The following CXXC5 variants were observed in gnomAD, a reference collection of about 807,000 sequenced individuals.
CXXC5 encodes CXXC finger protein 5.
CXXC5 carries 2 observed loss-of-function variants against 17.6 expected under a neutral mutation model. That is an observed-to-expected ratio of 0.11 (90% confidence interval 0.05 to 0.36). CXXC5 has a LOEUF of 0.36. Among genes scored for constraint, CXXC5 ranks in the 10% least tolerant of loss-of-function variants. CXXC5 has a pLI of 1.00. For missense variants in CXXC5, 343 were observed against 458.3 expected, an observed-to-expected ratio of 0.75 and a Z score of 2.30; for synonymous variants, 171 against 193.0, an observed-to-expected ratio of 0.89 and a Z score of 0.94.
At chr5:139,678,842 G>A (rs958018968) in intron 1 of CXXC5, among the ~76,000 whole-genome samples, 1 of 152,232 alleles carries the variant, frequency 6.6e-6, no homozygotes, top group African/African-American at 2.4e-5. Context: ...CTGCTCTGGG[G>A]CTGGGCCCTG....
At position 139,680,364 on chromosome 5, in the gene CXXC5, A is replaced by T; in HGVS notation, c.-160A>T. 9.7e-7 allele frequency: 1 copy of T among 1,029,932 alleles called. No individual in the cohort carries two copies. The highest frequency in any genetic ancestry group is 1.4e-6 in the Non-Finnish European group (1 of 729,946). The allele number at this position is 1,029,932 out of a possible 1,614,324, so 63.8% of individuals were successfully genotyped here. A position where few individuals can be genotyped will look rare whatever the true frequency, so the allele number is the denominator to read the frequency against. On this transcript the variant is annotated splice_region_variant and 5_prime_UTR_variant, in exon 2 of 3. Transcript: ENST00000302517. ...CTGACCCTGTATCCTCTTGTGACAG[A>T]GTGAAGACATTTCCACCTGGACACC...
chr5:139,681,754 A>T (rs1035649344), intron 2 of CXXC5, among the ~76,000 whole-genome samples: 1 of 152,198 alleles, frequency 6.6e-6, no homozygotes, highest in African/African-American at 2.4e-5. Flanking sequence ...TCAGGTATTG[A>T]GATTTCCATA....
chr5:139,674,925 T>G (rs650446), intron 1 of CXXC5, among the ~76,000 whole-genome samples: 1 of 151,842 alleles, frequency 6.6e-6, no homozygotes, highest in Non-Finnish European at 1.5e-5. Context: ...CCTCACATCT[T>G]CTTCCCCACC....
intron 1 of CXXC5, among the ~76,000 whole-genome samples, chr5:139,664,449 G>C (rs1755986082): frequency 6.6e-6 from 1 of 152,108 alleles, no homozygotes; most frequent in Admixed American, 6.5e-5. Context: ...TAGCCACAAT[G>C]ACCCCCCATC....
At chr5:139,680,221 C>T (rs1757100299) in intron 1 of CXXC5, 143 bp from the exon 2 acceptor site, 1 of 448,232 alleles carries the variant, frequency 2.2e-6, no homozygotes, top group Non-Finnish European at 4.0e-6. Flanking sequence ...AGAAATTTCT[C>T]ACCAGGATGG....
chr5:139,648,713 G>C lies in CXXC5; in HGVS notation c.-293G>C, dbSNP rs940944722. ...CGGCGCGACTCGGGCTCCGGACCCG[G>C]GCACTGCTGGCGGCTGGAGCGGAGC... On this transcript the variant is annotated 5_prime_UTR_variant, in exon 1 of 3. Coordinates refer to ENST00000302517, the MANE Select transcript of CXXC5 (RefSeq NM_016463.9). The C allele has an allele frequency of 1.3e-5, 2 of 151,898 alleles. No individual in the cohort carries two copies. Among genetic ancestry groups the C allele is most frequent in the African/African-American group, 2.4e-5 (1 of 41,402 alleles). 9.4% of individuals were successfully genotyped at this position (151,898 alleles called of 1,614,324 possible).
At chr5:139,667,696 T>C (rs569515929) in intron 1 of CXXC5, among the ~76,000 whole-genome samples, 1 of 152,040 alleles carries the variant, frequency 6.6e-6, no homozygotes, top group East Asian at 1.9e-4. Flanking sequence ...GCTTGGGGGT[T>C]TGGGGGTTAA....
chr5:139,679,006 C>G (rs1757028326), intron 1 of CXXC5, among the ~76,000 whole-genome samples: 1 of 152,230 alleles, frequency 6.6e-6, no homozygotes, highest in South Asian at 2.1e-4. Context: ...AGCCTTGAAA[C>G]CTGAGTAGAG....
intron 1 of CXXC5, among the ~76,000 whole-genome samples, chr5:139,650,572 T>G (rs889997849): frequency 6.6e-6 from 1 of 152,102 alleles, no homozygotes; most frequent in Non-Finnish European, 1.5e-5. Flanking sequence ...TGCGGACTTG[T>G]TTGGAGCGCG....
At chr5:139,671,975 C>G (rs1463800083) in intron 1 of CXXC5, among the ~76,000 whole-genome samples, 1 of 152,192 alleles carries the variant, frequency 6.6e-6, no homozygotes. Flanking sequence ...CCTCAGTTGC[C>G]TCATCTGTAA....
chr5:139,681,436 G>A lies in CXXC5; in HGVS notation c.913G>A (p.Ala305Thr), dbSNP rs768384456. The change falls in exon 2 of 3, where the codon GCT (alanine) becomes ACT (threonine). Residue 305 changes from alanine (A) to threonine (T), a missense_variant. Coordinates refer to ENST00000302517, the MANE Select transcript of CXXC5 (RefSeq NM_016463.9). ...TGAGGAACTCAAAAAGAAGCCTTCC[G>A]CTGCTCTGGAGGTAACGGCGCCTTA... ...KCEELKKKPS[A>T]ALEKVMLPTG... 1.3e-5 allele frequency: 21 copies of A among 1,576,726 alleles called. No homozygotes were observed. The highest frequency in any genetic ancestry group is 1.4e-5 in the African/African-American group (1 of 73,954).
In CXXC5 at chr5:139,663,714, G is replaced by A. The variant is rs1333292226; in HGVS notation, c.-161+14869G>A. Reference sequence around the variant, plus strand: ...CCAACACGCCTGGCCTGACTTGTCCGTGACGTTCACACTTATGCTGGCAGA... The same window carrying A: ...CCAACACGCCTGGCCTGACTTGTCCATGACGTTCACACTTATGCTGGCAGA... On this transcript the variant is annotated intron_variant, in intron 1 of 2. Transcript: ENST00000302517. This position sits in a 1 kb window ranked among gnomAD's most constrained non-coding sequence, Gnocchi z 4.2. Among the ~76,000 whole-genome samples the A allele has an allele frequency of 5.3e-5, 8 of 152,196 alleles. No homozygotes were observed. The highest frequency in any genetic ancestry group is 2.1e-4 in the South Asian group (1 of 4,834).
At chr5:139,659,217 G>T (rs567374974) in intron 1 of CXXC5, among the ~76,000 whole-genome samples, 22 of 152,302 alleles carry the variant, frequency 1.4e-4, no homozygotes, top group Middle Eastern at 3.4e-3. Context: ...GCTGCAGACG[G>T]GTAGGGGTGT....
At chr5:139,660,493 G>A (rs1755735920) in intron 1 of CXXC5, among the ~76,000 whole-genome samples, 1 of 152,182 alleles carries the variant, frequency 6.6e-6, no homozygotes, top group African/African-American at 2.4e-5. Context: ...CTGGGGAGGG[G>A]ACCTCAGCCC....
At chr5:139,652,959 TTCTC>T (rs1257980212) in intron 1 of CXXC5, among the ~76,000 whole-genome samples, 1 of 152,154 alleles carries the variant, frequency 6.6e-6, no homozygotes, top group Non-Finnish European at 1.5e-5. Flanking sequence ...GGACAGTGGT[TTCTC>T]TCTGTCTGTG....
chr5:139,682,794 G>A lies in CXXC5; in HGVS notation c.925-69G>A, dbSNP rs13362306. ...GCCATGAGGCCATCCATGGGGGAACGTCTTTGCTCCAGGCCTACCCGGACC... is the reference window on the plus strand; with the variant it reads ...GCCATGAGGCCATCCATGGGGGAACATCTTTGCTCCAGGCCTACCCGGACC... On this transcript the variant is annotated intron_variant, in intron 2 of 2. Transcript: ENST00000302517. 2,763 of 1,468,780 alleles carry A rather than the reference G, an allele frequency of 1.9e-3. 51 individuals are homozygous for A. In the African/African-American group the frequency reaches 0.034, roughly 18 times the overall value. 91.0% of individuals were successfully genotyped at this position (1,468,780 alleles called of 1,614,324 possible).
rs1304399797 is a variant in CXXC5, at chr5:139,652,167, CGCGCGT to C, written c.-161+3324_-161+3329del. On this transcript the variant is annotated intron_variant, in intron 1 of 2. Coordinates refer to ENST00000302517, the MANE Select transcript of CXXC5 (RefSeq NM_016463.9). ...CCGCCGGCGCGCGCGCGCGCGCGCG[CGCGCGT>C]GTGTGTGTGTGTGTGTGTGTGTGGC... Among the ~76,000 whole-genome samples, 184 of 141,952 alleles carry C rather than the reference CGCGCGT, an allele frequency of 1.3e-3. 1 individual carries two copies. Among genetic ancestry groups the C allele is most frequent in the African/African-American group, 1.7e-3 (64 of 36,584 alleles). 93.1% of individuals were successfully genotyped at this position (141,952 alleles called of 152,430 possible).
chr5:139,659,184 G>A (rs548666241), intron 1 of CXXC5, among the ~76,000 whole-genome samples: 1 of 152,174 alleles, frequency 6.6e-6, no homozygotes, highest in Admixed American at 6.5e-5. Context: ...GTGGCAGATC[G>A]GCTGGGAGGG....
intron 1 of CXXC5, among the ~76,000 whole-genome samples, chr5:139,660,118 G>A (rs1755708090): frequency 6.6e-6 from 1 of 152,246 alleles, no homozygotes; most frequent in Non-Finnish European, 1.5e-5. Context: ...CCCAGTCCTA[G>A]AGGCAAGCTG....
Sources: gnomAD v4.1 joint callset for allele counts (sites outside exome capture counted in the v4.1 genomes callset) on GRCh38, gnomAD v4.1.1 for gene constraint, Gnocchi (gnomAD v3.1) non-coding constraint, MANE v1.5 for transcripts, NCBI Gene and HGNC (gene_info 2026-07-23, HGNC 2026-07-21) for gene names.